The following ITGA6 variants were observed in gnomAD, a reference collection of about 807,000 sequenced individuals.
The protein encoded by ITGA6 is integrin subunit alpha 6, also known as integrin alpha-6.
Under a neutral mutation model 133.6 loss-of-function variants are expected in ITGA6, and 63 were observed. The observed-to-expected ratio is 0.47, with a 90% confidence interval of 0.38 to 0.58. ITGA6 has a LOEUF of 0.58. ITGA6 is among the 20% of genes least tolerant of loss of function. ITGA6 has a pLI of 0.00. For synonymous variants in ITGA6, 434 were observed against 482.0 expected, an observed-to-expected ratio of 0.90 and a Z score of 1.30; for missense variants, 1,068 against 1,309.4, an observed-to-expected ratio of 0.82 and a Z score of 2.85.
chr2:172,489,817 G>A (rs1458650804), intron 20 of ITGA6, 159 bp downstream of exon 20: 5 of 676,400 alleles, frequency 7.4e-6, no homozygotes, highest in Non-Finnish European at 1.3e-5. Context: ...GGTAACTGAG[G>A]GAGGCTGAGG....
chr2:172,466,325 A>C (rs1261459495), intron 2 of ITGA6, among the ~76,000 whole-genome samples: 1 of 152,230 alleles, frequency 6.6e-6, no homozygotes, highest in Non-Finnish European at 1.5e-5. Flanking sequence ...TCTTTTAGAA[A>C]TAACATTTGT....
chr2:172,496,247 A>C (rs1241878434), intron 23 of ITGA6, among the ~76,000 whole-genome samples: 1 of 152,042 alleles, frequency 6.6e-6, no homozygotes, highest in Non-Finnish European at 1.5e-5. Flanking sequence ...AGGGAAGGAG[A>C]GGGGAAGTGA....
chr2:172,454,091 G>GTT (rs35793204), intron 1 of ITGA6, among the ~76,000 whole-genome samples: 2,892 of 143,024 alleles, frequency 0.02, 98 homozygotes, highest in African/African-American at 0.069. Context: ...GTTTTGTTTT[G>GTT]TTTTTTTTTT....
intron 1 of ITGA6, among the ~76,000 whole-genome samples, chr2:172,435,301 A>G (rs1022593448): frequency 6.6e-6 from 1 of 152,108 alleles, no homozygotes; most frequent in African/African-American, 2.4e-5. Context: ...AGCAGCACTG[A>G]GAGTTTGGAG....
intron 25 of ITGA6, 21 bp from the exon 26 acceptor site, chr2:172,504,070 T>C: frequency 6.5e-7 from 1 of 1,545,374 alleles, no homozygotes; most frequent in Non-Finnish European, 8.7e-7. Flanking sequence ...TTGTTTCTCT[T>C]TCTCTTTCCC....
intron 1 of ITGA6, among the ~76,000 whole-genome samples, chr2:172,429,338 G>T (rs559289705): frequency 6.6e-6 from 1 of 152,218 alleles, no homozygotes; most frequent in South Asian, 2.1e-4. Context: ...GAAATGAAAG[G>T]TTCCTGTTAA....
At chr2:172,497,950 T>C in intron 23 of ITGA6, 25 bp from the exon 24 acceptor site, 1 of 1,613,480 alleles carries the variant, frequency 6.2e-7, no homozygotes, top group Non-Finnish European at 8.5e-7. Context: ...TATGTAGTAA[T>C]GCTGCTTTCT....
chr2:172,498,023 G>T lies in ITGA6; in HGVS notation c.3037G>T (p.Val1013Leu). ...PSKTVAQYSGVPWWIILVAIL... is the reference protein window; with the variant it reads ...PSKTVAQYSGLPWWIILVAIL... ...AAAGACTGTAGCTCAGTATTCGGGA[G>T]TACCTTGGTGGATCATCCTAGTGGC... The change falls in exon 24 of 26, where the codon GTA becomes TTA. Residue 1013 changes from valine to leucine, a missense_variant. By Grantham distance (32) the Val-to-Leu change is conservative (BLOSUM62 1). Around this residue, in one of 3 missense-constraint regions of ITGA6, gnomAD observed 609 missense variants for 707.2 expected, o/e 0.86. Transcript: ENST00000684293. 1 of 1,613,656 alleles carries T rather than the reference G, an allele frequency of 6.2e-7. No individual in the cohort carries two copies. Among genetic ancestry groups the T allele is most frequent in the Non-Finnish European group, 8.5e-7 (1 of 1,179,604 alleles).
chr2:172,437,635 AG>A (rs1684376175), intron 1 of ITGA6, among the ~76,000 whole-genome samples: 2 of 152,190 alleles, frequency 1.3e-5, no homozygotes, highest in African/African-American at 4.8e-5. Context: ...TAAGCAGCTG[AG>A]TCAATTAAAA....
upstream of ITGA6, chr2:172,427,488 C>A (rs1683887090): frequency 3.7e-6 from 4 of 1,075,554 alleles, no homozygotes; most frequent in Non-Finnish European, 4.5e-6. Context: ...GCGGGCGGTG[C>A]GCCGGGCCGC....
intron 1 of ITGA6, among the ~76,000 whole-genome samples, chr2:172,436,646 G>C (rs1423006922): frequency 6.6e-6 from 1 of 152,200 alleles, no homozygotes; most frequent in East Asian, 1.9e-4. Flanking sequence ...ATTTTTGTCT[G>C]TATTCGAACA....
chr2:172,443,082 C>T (rs934211605), intron 1 of ITGA6, among the ~76,000 whole-genome samples: 6 of 152,172 alleles, frequency 3.9e-5, no homozygotes, highest in African/African-American at 1.4e-4. Context: ...TCCTATTCTT[C>T]CTGGAGGCAA....
In ITGA6 at chr2:172,487,424, T is replaced by A. The variant is rs1317068364; in HGVS notation, c.2131T>A (p.Ser711Thr). 1 of 1,614,162 alleles carries A rather than the reference T, an allele frequency of 6.2e-7. No homozygotes were observed. The highest frequency in any genetic ancestry group is 1.3e-5 in the African/African-American group (1 of 75,046). Residue 711 changes from serine to threonine, a missense_variant, in exon 15 of 26, where the codon TCT (serine) becomes ACT (threonine). Ser to Thr is a moderately conservative substitution (Grantham distance 58). This residue lies in a region of ITGA6 where 609 missense variants were observed against 707.2 expected (regional missense o/e 0.86). Transcript: ENST00000684293. ...AACGTTTCCAGACACTTTAACCTAT[T>A]CTGCATATAGAGAACTGAGGGCTTT... ...IATFPDTLTY[S>T]AYRELRAFPE...
intron 23 of ITGA6, among the ~76,000 whole-genome samples, chr2:172,494,356 A>G (rs1298859987): frequency 1.3e-5 from 2 of 152,098 alleles, no homozygotes; most frequent in African/African-American, 4.8e-5. Context: ...AAAAATACAG[A>G]AATTAGCCAG....
intron 3 of ITGA6, 81 bp downstream of exon 3, chr2:172,467,641 C>A: frequency 1.9e-6 from 2 of 1,079,318 alleles, no homozygotes; most frequent in Non-Finnish European, 2.9e-6. Context: ...CAGGGGACAG[C>A]AGGGAGCATA....
intron 1 of ITGA6, among the ~76,000 whole-genome samples, chr2:172,439,355 G>C (rs1361226802): frequency 6.6e-6 from 1 of 151,798 alleles, no homozygotes; most frequent in Non-Finnish European, 1.5e-5. Context: ...CAGCACTTTG[G>C]GTTCTAAAAT....
intron 1 of ITGA6, among the ~76,000 whole-genome samples, chr2:172,459,077 A>G (rs1399201132): frequency 2.0e-5 from 3 of 152,170 alleles, no homozygotes; most frequent in Non-Finnish European, 4.4e-5. Context: ...GAAAGAGGAC[A>G]GAAAACATAC....
intron 9 of ITGA6, among the ~76,000 whole-genome samples, chr2:172,477,527 GTTT>G (rs1317436084): frequency 6.6e-6 from 1 of 152,054 alleles, no homozygotes; most frequent in African/African-American, 2.4e-5. Flanking sequence ...GTCTAATCTG[GTTT>G]TTATTTAATC....
At chr2:172,477,087 G>A (rs1267286988) in intron 9 of ITGA6, among the ~76,000 whole-genome samples, 3 of 150,684 alleles carry the variant, frequency 2.0e-5, no homozygotes, top group Non-Finnish European at 4.4e-5. Context: ...TCACTGGATG[G>A]TTACGTTGCT....
Sources: allele counts gnomAD v4.1 joint callset (sites outside exome capture counted in the v4.1 genomes callset), GRCh38; gene constraint gnomAD v4.1.1; regional missense constraint gnomAD v4.1.1; transcripts MANE v1.5; gene names NCBI Gene and HGNC (gene_info 2026-07-23, HGNC 2026-07-21).